TPTE: variants seen among roughly 807,000 people sequenced by gnomAD.
The protein encoded by TPTE is transmembrane phosphatase with tensin homology.
Under a neutral mutation model 84.1 loss-of-function variants are expected in TPTE, and 59 were observed. The observed-to-expected ratio is 0.70, with a 90% CI of 0.57 to 0.87. TPTE has a LOEUF of 0.87. Among genes scored for constraint, TPTE ranks in the 40% least tolerant of loss-of-function variants. TPTE has a pLI of 0.00. For synonymous variants in TPTE, 130 were observed against 223.5 expected, an observed-to-expected ratio of 0.58 and a Z score of 3.73; for missense variants, 382 against 659.6, an observed-to-expected ratio of 0.58 and a Z score of 4.61.
chr21:10,572,229 C>A (rs210518), intron 14 of TPTE, among the ~76,000 whole-genome samples: 25,907 of 133,632 alleles, frequency 0.19, 16 homozygotes, highest in African/African-American at 0.46. Flanking sequence ...GCGGGTGGAT[C>A]ACTTGAGGCC....
chr21:10,596,659 T>A (rs1477301314), intron 20 of TPTE, among the ~76,000 whole-genome samples: 1 of 152,306 alleles, frequency 6.6e-6, no homozygotes, highest in Non-Finnish European at 1.5e-5. Context: ...GCCTCACCAC[T>A]CCCACTGCCG....
intron 23 of TPTE, 60 bp downstream of exon 23, chr21:10,603,692 G>A (rs1401602344): frequency 1.3e-6 from 2 of 1,571,334 alleles, no homozygotes; most frequent in African/African-American, 1.4e-5. Context: ...TGTATAAGGT[G>A]TAATGGCAAG....
intron 22 of TPTE, among the ~76,000 whole-genome samples, chr21:10,603,157 T>C (rs1179598527): frequency 2.7e-4 from 41 of 152,354 alleles, no homozygotes; most frequent in Non-Finnish European, 5.4e-4. Context: ...CCGCTTCTGA[T>C]ATCAGAAAAT....
At chr21:10,547,763 T>TG (rs1190132693) in intron 7 of TPTE, among the ~76,000 whole-genome samples, 1 of 152,308 alleles carries the variant, frequency 6.6e-6, no homozygotes, top group Non-Finnish European at 1.5e-5. Context: ...CCCAGCTGTG[T>TG]GGAGGTTGGT....
intron 20 of TPTE, among the ~76,000 whole-genome samples, chr21:10,597,808 A>G (rs2075616617): frequency 6.6e-6 from 1 of 151,444 alleles, no homozygotes; most frequent in African/African-American, 2.5e-5. Context: ...CTCTTCTCTC[A>G]TCTTATAAAA....
At chr21:10,540,903 A>G (rs1247397979) in intron 4 of TPTE, among the ~76,000 whole-genome samples, 6 of 152,298 alleles carry the variant, frequency 3.9e-5, no homozygotes, top group South Asian at 2.1e-4. Context: ...ATGCATCGCT[A>G]TGGTCACAGC....
rs1336869572 is a variant in TPTE, at chr21:10,567,726, T to C, written c.503T>C (p.Ile168Thr). Residue 168 changes from isoleucine (I) to threonine (T), a missense_variant, in exon 11 of 24, where the codon ATT becomes ACT. Around this residue, in one of 10 missense-constraint regions of TPTE, gnomAD observed 85 missense variants for 230.9 expected, o/e 0.37. Coordinates refer to ENST00000618007, the MANE Select transcript of TPTE (RefSeq NM_199261.4). Reference protein sequence around the residue: ...FNILDTAIIVILLLVDVVYIF... With the variant: ...FNILDTAIIVTLLLVDVVYIF... ...ATTTTAGATACTGCCATTATTGTGATTCTTCTGCTGGTTGATGTCGTTTAC... is the reference window on the plus strand; with the variant it reads ...ATTTTAGATACTGCCATTATTGTGACTCTTCTGCTGGTTGATGTCGTTTAC... The C allele has an allele frequency of 6.2e-7, 1 of 1,613,530 alleles. No individual in the cohort carries two copies. Among genetic ancestry groups the C allele is most frequent in the Non-Finnish European group, 8.5e-7 (1 of 1,179,698 alleles).
intron 3 of TPTE, among the ~76,000 whole-genome samples, chr21:10,536,659 A>G (rs563831285): frequency 1.2e-3 from 187 of 152,266 alleles, no homozygotes; most frequent in Non-Finnish European, 7.6e-4. Context: ...AGGATCATCT[A>G]TGGCCATACA....
intron 14 of TPTE, among the ~76,000 whole-genome samples, chr21:10,572,004 CAAA>C (rs59120761): frequency 0.041 from 5,879 of 143,792 alleles, no homozygotes; most frequent in African/African-American, 0.14. Context: ...TACCCTGTCT[CAAA>C]AAAAAAAAAA....
chr21:10,552,017 T>A (rs1157757999), intron 7 of TPTE, among the ~76,000 whole-genome samples: 1 of 152,310 alleles, frequency 6.6e-6, no homozygotes, highest in Admixed American at 6.5e-5. Context: ...TGTTGTCCTA[T>A]TTTAAGAAAT....
At chr21:10,597,391 C>T in intron 20 of TPTE, among the ~76,000 whole-genome samples, 1 of 152,306 alleles carries the variant, frequency 6.6e-6, no homozygotes, top group East Asian at 1.9e-4. Flanking sequence ...TGCAAGTCAC[C>T]TTTCCTGAAT....
At chr21:10,605,358 A>G (rs573728400) in intron 23 of TPTE, 59 bp from the exon 24 acceptor site, 5 of 1,592,880 alleles carry the variant, frequency 3.1e-6, no homozygotes, top group South Asian at 2.3e-5. Context: ...TGGGTACCCA[A>G]CTGTGTGGCT....
chr21:10,576,084 C>G (rs1228662485), intron 14 of TPTE, among the ~76,000 whole-genome samples: 158 of 151,886 alleles, frequency 1.0e-3, no homozygotes, highest in African/African-American at 3.7e-3. Context: ...GGTATATACC[C>G]AAAGGAATAT....
Position 10,567,636 on chromosome 21 carries a change from G to T in TPTE, c.447-34G>T, listed in dbSNP as rs530196482. ...ATATTCCTATCTCTTCTTGCAGGGG[G>T]GAATGAACTTATTTTTTTTGTTTTA... On this transcript the variant is annotated intron_variant, in intron 10 of 23. Transcript: ENST00000618007. 1.3e-4 allele frequency: 210 copies of T among 1,607,696 alleles called. No homozygotes were observed. In the African/African-American group the frequency reaches 2.5e-3, roughly 19 times the overall value.
intron 18 of TPTE, among the ~76,000 whole-genome samples, chr21:10,591,205 C>T (rs1320631921): frequency 2.0e-5 from 3 of 152,308 alleles, no homozygotes; most frequent in Admixed American, 6.5e-5. Context: ...ACAAGGTGGG[C>T]TGTTTCCACT....
intron 9 of TPTE, among the ~76,000 whole-genome samples, chr21:10,560,274 TCTC>T (rs2074771212): frequency 6.6e-6 from 1 of 152,310 alleles, no homozygotes; most frequent in African/African-American, 2.4e-5. Context: ...CTTAGACTCT[TCTC>T]TACATAAGAG....
chr21:10,542,138 G>A (rs2074380476), intron 5 of TPTE, among the ~76,000 whole-genome samples: 1 of 152,310 alleles, frequency 6.6e-6, no homozygotes, highest in African/African-American at 2.4e-5. Flanking sequence ...GTCACACATT[G>A]GGACTGAGGT....
chr21:10,541,162 A>C lies in TPTE; in HGVS notation c.62A>C (p.Asp21Ala), dbSNP rs1298620209. ...GTCATCATTGAGCTCGGCCCCAATG[A>C]CAGGTGAGTTATAAAAGATGTACAC... ...AGVIIELGPN[D>A]SPQTSEFKGA... is the part of the protein sequence containing the mutation. The change falls in exon 5 of 24, where the codon GAC becomes GCC. Residue 21 changes from aspartate (D) to alanine (A), a missense_variant. Asp to Ala is a moderately radical substitution (Grantham distance 126). Coordinates refer to ENST00000618007, the MANE Select transcript of TPTE (RefSeq NM_199261.4). 6.2e-7 allele frequency: 1 copy of C among 1,613,080 alleles called. No individual in the cohort carries two copies. Among genetic ancestry groups the C allele is most frequent in the Admixed American group, 1.7e-5 (1 of 60,002 alleles).
chr21:10,561,832 C>A (rs1408626909), intron 10 of TPTE, among the ~76,000 whole-genome samples: 1 of 152,310 alleles, frequency 6.6e-6, no homozygotes, highest in Non-Finnish European at 1.5e-5. Context: ...GGCAAGGACA[C>A]AGGCCTGGCT....
Sources: allele counts gnomAD v4.1 joint callset (sites outside exome capture counted in the v4.1 genomes callset), GRCh38; gene constraint gnomAD v4.1.1; regional missense constraint gnomAD v4.1.1; transcripts MANE v1.5; gene names NCBI Gene and HGNC (gene_info 2026-07-23, HGNC 2026-07-21).